Variants in ZBBX observed in about 807,000 individuals in gnomAD.
ZBBX encodes the protein zinc finger B-box domain-containing protein 1.
In ZBBX, 101 loss-of-function variants were observed where a neutral mutation model predicts 108.5. The ratio of observed to expected loss-of-function variants is 0.93; its 90% CI spans 0.79 to 1.10. The LOEUF (loss-of-function observed/expected upper bound fraction) is 1.10, where lower values mean the gene tolerates loss of function less well. Ranked by LOEUF, ZBBX falls within the 50% of genes least tolerant of loss-of-function variation. The pLI is 0.00. For missense variants in ZBBX, 1,009 were observed against 941.4 expected, an observed-to-expected ratio of 1.07 and a Z score of -0.94; for synonymous variants, 356 against 323.4, an observed-to-expected ratio of 1.10 and a Z score of -1.08.
At chr3:167,298,528 G>T in intron 17 of ZBBX, 70 bp from the exon 18 acceptor site, 1 of 1,195,094 alleles carries the variant, frequency 8.4e-7, no homozygotes, top group South Asian at 2.3e-5. Flanking sequence ...TCATTTATCA[G>T]ATACCTACTT....
At chr3:167,275,478 G>T (rs917972435) in intron 20 of ZBBX, among the ~76,000 whole-genome samples, 3 of 152,216 alleles carry the variant, frequency 2.0e-5, no homozygotes, top group Non-Finnish European at 2.9e-5. Flanking sequence ...AAGCACAAGG[G>T]GTCAGGGAGT....
chr3:167,394,920 G>T (rs1748182720), intron 1 of ZBBX, among the ~76,000 whole-genome samples: 1 of 152,008 alleles, frequency 6.6e-6, no homozygotes, highest in Non-Finnish European at 1.5e-5. Context: ...CACCCTGATG[G>T]AAGGACAAAT....
At chr3:167,253,015 T>C (rs965871562) in intron 20 of ZBBX, among the ~76,000 whole-genome samples, 3 of 152,206 alleles carry the variant, frequency 2.0e-5, no homozygotes, top group African/African-American at 7.2e-5. Context: ...TCTAGGAAGA[T>C]TTATGTTTGA....
At chr3:167,388,915 T>C (rs909128330) in intron 1 of ZBBX, among the ~76,000 whole-genome samples, 3 of 152,110 alleles carry the variant, frequency 2.0e-5, no homozygotes, top group African/African-American at 7.2e-5. Flanking sequence ...AGCTTCAACA[T>C]TTTCTAATGA....
At chr3:167,364,201 C>T (rs375982062) in intron 6 of ZBBX, among the ~76,000 whole-genome samples, 6 of 150,692 alleles carry the variant, frequency 4.0e-5, no homozygotes, top group South Asian at 2.1e-4. Flanking sequence ...AAAAAAAATA[C>T]GCAAAAACAA....
intron 18 of ZBBX, 45 bp downstream of exon 18, chr3:167,298,260 T>C (rs1732010085): frequency 1.4e-6 from 2 of 1,465,318 alleles, no homozygotes; most frequent in African/African-American, 2.9e-5. Flanking sequence ...CAGTATTTCC[T>C]AAGATGAGAA....
chr3:167,222,791 G>A, the ZBBX span, among the ~76,000 whole-genome samples: 1 of 151,764 alleles, frequency 6.6e-6, no homozygotes, highest in African/African-American at 2.4e-5. Flanking sequence ...GGCTGACAAG[G>A]GTGTGTTTTT....
At chr3:167,395,469 A>ACACTGGACCT (rs1748206194) in intron 1 of ZBBX, among the ~76,000 whole-genome samples, 1 of 150,850 alleles carries the variant, frequency 6.6e-6, no homozygotes, top group Admixed American at 6.6e-5. Context: ...TATAGAGTAA[A>ACACTGGACCT]TAATTCTGAG....
intron 9 of ZBBX, among the ~76,000 whole-genome samples, chr3:167,346,403 C>T (rs1741459526): frequency 6.6e-6 from 1 of 151,736 alleles, no homozygotes; most frequent in Non-Finnish European, 1.5e-5. Flanking sequence ...TTTCAGAGAT[C>T]GTAAGTAAAA....
chr3:167,306,155 A>T (rs1333971711), intron 16 of ZBBX, among the ~76,000 whole-genome samples: 2 of 152,204 alleles, frequency 1.3e-5, no homozygotes, highest in East Asian at 1.9e-4. Context: ...AGAACCAAAC[A>T]TTAATGAGCT....
intron 6 of ZBBX, among the ~76,000 whole-genome samples, chr3:167,364,226 A>T (rs1560186682): frequency 6.6e-6 from 1 of 151,918 alleles, no homozygotes; most frequent in Non-Finnish European, 1.5e-5. Context: ...AACAACAAAA[A>T]TATACCTCTC....
chr3:167,322,781 A>G (rs1736656098), intron 11 of ZBBX, among the ~76,000 whole-genome samples: 1 of 152,112 alleles, frequency 6.6e-6, no homozygotes, highest in Admixed American at 6.6e-5. Flanking sequence ...GAAGATATCT[A>G]GGAAAGAAAG....
chr3:167,370,732 A>C (rs1157564331), intron 4 of ZBBX, among the ~76,000 whole-genome samples: 1 of 152,190 alleles, frequency 6.6e-6, no homozygotes, highest in African/African-American at 2.4e-5. Flanking sequence ...AGGCCACTTG[A>C]GGAAAGCTAA....
chr3:167,296,675 G>A (rs1182257381), intron 18 of ZBBX, among the ~76,000 whole-genome samples: 1 of 151,852 alleles, frequency 6.6e-6, no homozygotes, highest in African/African-American at 2.4e-5. Context: ...CCAAGGAGGT[G>A]GAAGACTTAT....
At chr3:167,393,735 G>T (rs1306475106) in intron 1 of ZBBX, among the ~76,000 whole-genome samples, 1 of 151,836 alleles carries the variant, frequency 6.6e-6, no homozygotes, top group Non-Finnish European at 1.5e-5. Flanking sequence ...TAATGGAAAA[G>T]GTGGAAGTAA....
the ZBBX span, among the ~76,000 whole-genome samples, chr3:167,232,858 C>T: frequency 1.3e-5 from 2 of 151,770 alleles, no homozygotes; most frequent in Non-Finnish European, 2.9e-5. Flanking sequence ...TTGAAGAGGT[C>T]TGGTGAGAAC....
chr3:167,343,318 C>T (rs1740877035), intron 9 of ZBBX, among the ~76,000 whole-genome samples: 4 of 151,820 alleles, frequency 2.6e-5, no homozygotes, highest in Admixed American at 2.6e-4. Context: ...GGTTAAGCCC[C>T]TGTACTGCCA....
At chr3:167,183,380 G>A in the ZBBX span, among the ~76,000 whole-genome samples, 2 of 152,136 alleles carry the variant, frequency 1.3e-5, no homozygotes, top group Non-Finnish European at 2.9e-5. Flanking sequence ...TTGCTCCGGC[G>A]ACCCTTTGAC....
chr3:167,306,355 T>C (rs1276086426), intron 16 of ZBBX, among the ~76,000 whole-genome samples: 1 of 152,076 alleles, frequency 6.6e-6, no homozygotes, highest in Non-Finnish European at 1.5e-5. Context: ...CTAGCATGCC[T>C]AGCAATAAAG....
Sources: gnomAD v4.1 joint callset for allele counts (sites outside exome capture counted in the v4.1 genomes callset) on GRCh38, gnomAD v4.1.1 for gene constraint, MANE v1.5 for transcripts, NCBI Gene and HGNC (gene_info 2026-07-23, HGNC 2026-07-21) for gene names.